The following ESRRG variants were observed in gnomAD, a reference collection of about 807,000 sequenced individuals.
ESRRG encodes the protein estrogen related receptor gamma.
In ESRRG, 13 loss-of-function variants were observed where a neutral mutation model predicts 44.0. That is an observed-to-expected ratio of 0.30 (90% CI 0.19 to 0.47). The LOEUF is 0.47. ESRRG is among the 20% of genes least tolerant of loss of function. The pLI, the probability that ESRRG is intolerant of heterozygous loss-of-function variation, is 1.00. For missense variants in ESRRG, 395 were observed against 580.6 expected, an observed-to-expected ratio of 0.68 and a Z score of 3.29; for synonymous variants, 215 against 214.6, an observed-to-expected ratio of 1.00 and a Z score of -0.02.
chr1:216,731,438 C>T (rs540818391), intron 2 of ESRRG, among the ~76,000 whole-genome samples: 7 of 152,320 alleles, frequency 4.6e-5, no homozygotes, highest in Admixed American at 4.6e-4. Context: ...CCTCTCTTTA[C>T]TCCTTGCAAT....
intron 2 of ESRRG, among the ~76,000 whole-genome samples, chr1:216,877,035 T>C (rs1307532044): frequency 6.7e-6 from 1 of 150,256 alleles, no homozygotes; most frequent in Non-Finnish European, 1.5e-5. Context: ...CATGGAAGAA[T>C]AAAGGTGTAA....
chr1:216,791,498 A>G (rs144513055), intron 2 of ESRRG, among the ~76,000 whole-genome samples: 293 of 152,228 alleles, frequency 1.9e-3, no homozygotes, highest in African/African-American at 6.8e-3. Context: ...CAGTGCAGGA[A>G]TGATCTAATA....
At chr1:216,923,841 G>C (rs1471882446) in intron 2 of ESRRG, among the ~76,000 whole-genome samples, 1 of 152,190 alleles carries the variant, frequency 6.6e-6, no homozygotes, top group East Asian at 1.9e-4. Context: ...TTCAGTGTCA[G>C]AAATGGGAGC....
chr1:216,713,996 C>A lies in ESRRG; in HGVS notation c.56+9248G>T, dbSNP rs548690907. ...TCTTTCTGCCAAGCTATCTGATAAA[C>A]CCCCAACTAACTAACTGTATTTACA... On this transcript the variant is annotated intron_variant, in intron 1 of 6. Coordinates refer to ENST00000408911, the MANE Select transcript of ESRRG (RefSeq NM_001438.4). Among the ~76,000 whole-genome samples the A allele has an allele frequency of 3.9e-5, 6 of 152,280 alleles. No individual in the cohort carries two copies. In the South Asian group the frequency reaches 1.0e-3, roughly 26 times the overall value.
chr1:217,117,764 C>G (rs1399499372), intron 1 of ESRRG, among the ~76,000 whole-genome samples: 1 of 152,038 alleles, frequency 6.6e-6, no homozygotes, highest in East Asian at 1.9e-4. Context: ...AAACTGAGGT[C>G]CTTAATCTTC....
chr1:216,573,490 T>C (rs1203627563), intron 3 of ESRRG, among the ~76,000 whole-genome samples: 1 of 151,950 alleles, frequency 6.6e-6, no homozygotes, highest in Non-Finnish European at 1.5e-5. Context: ...ATTTTATAAA[T>C]CTTAAAATGT....
intron 1 of ESRRG, among the ~76,000 whole-genome samples, chr1:216,974,772 T>C (rs916592733): frequency 4.6e-5 from 7 of 152,046 alleles, no homozygotes; most frequent in African/African-American, 1.4e-4. Flanking sequence ...CTGGATGAAG[T>C]ATATGGGTCT....
rs150505717 is a variant in ESRRG at position 216,516,034 on chromosome 1, G to A, written c.1132+3118C>T. On this transcript the variant is annotated intron_variant, in intron 6 of 6. Transcript: ENST00000408911. ...AAGAATTTGATATTAGTCAAACCTCGTTATATACATGAAAAAACTGGGGCC... is the reference window on the plus strand; with the variant it reads ...AAGAATTTGATATTAGTCAAACCTCATTATATACATGAAAAAACTGGGGCC... 4.5e-3 allele frequency among the ~76,000 whole-genome samples: 678 copies of A among 151,912 alleles called. 4 individuals are homozygous for A. Among genetic ancestry groups the A allele is most frequent in the Middle Eastern group, 0.031 (9 of 294 alleles).
intron 2 of ESRRG, among the ~76,000 whole-genome samples, chr1:216,883,006 A>G (rs567178471): frequency 4.7e-4 from 71 of 152,264 alleles, no homozygotes; most frequent in African/African-American, 1.7e-3. Flanking sequence ...TATTTAAACT[A>G]TGTGGAGTAC....
intron 2 of ESRRG, among the ~76,000 whole-genome samples, chr1:216,836,241 A>C (rs1176123272): frequency 1.3e-5 from 2 of 152,142 alleles, no homozygotes; most frequent in African/African-American, 2.4e-5. Context: ...TCACAGCACA[A>C]TTTTAGAAAC....
intron 1 of ESRRG, among the ~76,000 whole-genome samples, chr1:216,976,807 C>G (rs755474563): frequency 3.9e-5 from 6 of 152,034 alleles, no homozygotes; most frequent in Non-Finnish European, 2.9e-5. Flanking sequence ...ATTACTCTTA[C>G]GGTTTTCATA....
intron 5 of ESRRG, among the ~76,000 whole-genome samples, chr1:216,540,280 CA>C (rs772092948): frequency 7.2e-5 from 11 of 151,930 alleles, no homozygotes; most frequent in Admixed American, 5.3e-4. Flanking sequence ...GTACTCTATG[CA>C]GAAAAAGATT....
chr1:217,045,617 A>G (rs1345284104), intron 1 of ESRRG, among the ~76,000 whole-genome samples: 2 of 152,206 alleles, frequency 1.3e-5, no homozygotes, highest in African/African-American at 2.4e-5. Context: ...AGGATGGGAT[A>G]TTGGAAGGTT....
intron 3 of ESRRG, among the ~76,000 whole-genome samples, chr1:216,583,093 A>G (rs1473498400): frequency 6.6e-6 from 1 of 152,212 alleles, no homozygotes; most frequent in Non-Finnish European, 1.5e-5. Flanking sequence ...TCATTTTTCT[A>G]TCAACTTTCA....
At chr1:216,773,889 C>G (rs1471819604) in intron 2 of ESRRG, among the ~76,000 whole-genome samples, 1 of 151,874 alleles carries the variant, frequency 6.6e-6, no homozygotes, top group East Asian at 1.9e-4. Flanking sequence ...TCACAATATG[C>G]CCAAGGACTG....
At chr1:216,554,540 G>T (rs1275626577) in intron 5 of ESRRG, among the ~76,000 whole-genome samples, 1 of 152,022 alleles carries the variant, frequency 6.6e-6, no homozygotes, top group African/African-American at 2.4e-5. Context: ...GGAGGCTGAG[G>T]ATGGAGGACT....
intron 2 of ESRRG, chr1:216,865,187 C>CAAATAAA (rs2096127981): frequency 2.0e-5 from 1 of 49,244 alleles, no homozygotes; most frequent in Non-Finnish European, 3.3e-5. Context: ...AGCTGTGCAG[C>CAAATAAA]AAAAAAAAAA....
intron 2 of ESRRG, among the ~76,000 whole-genome samples, chr1:216,873,392 A>G (rs1167183636): frequency 6.6e-6 from 1 of 151,790 alleles, no homozygotes; most frequent in African/African-American, 2.4e-5. Flanking sequence ...TTGTATTTTT[A>G]GTAGAGATGG....
chr1:216,798,592 A>T (rs916785263), intron 2 of ESRRG, among the ~76,000 whole-genome samples: 2 of 152,186 alleles, frequency 1.3e-5, no homozygotes, highest in Admixed American at 6.5e-5. Flanking sequence ...ATAGATTGTT[A>T]GAAGGGAAGA....
Sources: allele counts gnomAD v4.1 joint callset (sites outside exome capture counted in the v4.1 genomes callset), GRCh38; gene constraint gnomAD v4.1.1; transcripts MANE v1.5; gene names NCBI Gene and HGNC (gene_info 2026-07-23, HGNC 2026-07-21).